Variants in CEP15 observed in about 807,000 individuals in gnomAD.
The protein encoded by CEP15 is centrosomal protein 15.
the CEP15 span, among the ~76,000 whole-genome samples, chr3:62,330,492 G>C: frequency 6.6e-6 from 1 of 152,124 alleles, no homozygotes; most frequent in African/African-American, 2.4e-5. Context: ...AAAATTTGCG[G>C]AGTCCTGCAT....
the CEP15 span, chr3:62,334,177 G>A: frequency 3.3e-5 from 5 of 150,694 alleles, no homozygotes; most frequent in South Asian, 6.3e-4. The surrounding 1 kb of genome is among the most constrained non-coding windows in gnomAD (Gnocchi z 4.9). Context: ...GTCAGAAAGC[G>A]TTGGGTCACA....
chr3:62,325,028 A>C, the CEP15 span, among the ~76,000 whole-genome samples: 2 of 152,218 alleles, frequency 1.3e-5, no homozygotes, highest in African/African-American at 2.4e-5. Context: ...AATCAATAGT[A>C]ATTCTATGTA....
At chr3:62,327,991 C>A in the CEP15 span, among the ~76,000 whole-genome samples, 1 of 152,138 alleles carries the variant, frequency 6.6e-6, no homozygotes, top group Non-Finnish European at 1.5e-5. Flanking sequence ...TTGATAGTTT[C>A]TTTTCTTTAT....
chr3:62,333,290 C>G, the CEP15 span: 1 of 1,611,112 alleles, frequency 6.2e-7, no homozygotes, highest in East Asian at 2.2e-5. The surrounding 1 kb of genome is among the most constrained non-coding windows in gnomAD (Gnocchi z 4.0). Flanking sequence ...AATATATTCC[C>G]AAATGGGAAC....
the CEP15 span, among the ~76,000 whole-genome samples, chr3:62,321,254 C>G: frequency 6.6e-6 from 1 of 152,122 alleles, no homozygotes; most frequent in South Asian, 2.1e-4. This position sits in a 1 kb window ranked among gnomAD's most constrained non-coding sequence, Gnocchi z 4.1. Context: ...ATTTGACCAG[C>G]AAGAAACTTT....
chr3:62,331,400 G>A, the CEP15 span: 1 of 1,612,272 alleles, frequency 6.2e-7, no homozygotes, highest in Non-Finnish European at 8.5e-7. Flanking sequence ...TTCTCTTGAG[G>A]TGAGCATCTT....
the CEP15 span, among the ~76,000 whole-genome samples, chr3:62,331,883 C>T: frequency 6.6e-6 from 1 of 152,156 alleles, no homozygotes; most frequent in South Asian, 2.1e-4. Context: ...AGATGGTTAG[C>T]AAAAATAAAC....
the CEP15 span, among the ~76,000 whole-genome samples, chr3:62,325,098 G>C: frequency 6.6e-6 from 1 of 152,022 alleles, no homozygotes; most frequent in Non-Finnish European, 1.5e-5. Context: ...AAAATACTTG[G>C]GAATGATCTT....
At chr3:62,326,704 T>G in the CEP15 span, among the ~76,000 whole-genome samples, 1 of 152,208 alleles carries the variant, frequency 6.6e-6, no homozygotes, top group Admixed American at 6.5e-5. Flanking sequence ...TTGCATGTGC[T>G]TATTACCCAG....
At chr3:62,321,708 A>T in the CEP15 span, among the ~76,000 whole-genome samples, 2 of 152,174 alleles carry the variant, frequency 1.3e-5, no homozygotes, top group Non-Finnish European at 2.9e-5. This position sits in a 1 kb window ranked among gnomAD's most constrained non-coding sequence, Gnocchi z 4.1. Flanking sequence ...TATATAAAGA[A>T]TATGTTAATG....
At chr3:62,319,813 G>A in the CEP15 span, 1 of 152,374 alleles carries the variant, frequency 6.6e-6, no homozygotes, top group African/African-American at 2.4e-5. Flanking sequence ...GTCTGTGTCG[G>A]TCCAGTGTCT....
chr3:62,333,444 T>C, the CEP15 span: 3 of 1,557,702 alleles, frequency 1.9e-6, no homozygotes, highest in Admixed American at 3.9e-5. The surrounding 1 kb of genome is among the most constrained non-coding windows in gnomAD (Gnocchi z 4.0). Context: ...TGTTAAGGTG[T>C]ATGTAGGTTA....
the CEP15 span, chr3:62,331,436 C>A: frequency 5.3e-6 from 8 of 1,523,614 alleles, no homozygotes; most frequent in Admixed American, 8.4e-5. Flanking sequence ...AAAGAGAGAC[C>A]CTATCTATCT....
At chr3:62,333,125 C>A in the CEP15 span, 2 of 803,086 alleles carry the variant, frequency 2.5e-6, no homozygotes, top group Non-Finnish European at 3.8e-6. The surrounding 1 kb of genome is among the most constrained non-coding windows in gnomAD (Gnocchi z 4.0). Context: ...ATGCATTCTA[C>A]ATATATGTGT....
chr3:62,334,890 G>C, the CEP15 span: 1 of 151,736 alleles, frequency 6.6e-6, no homozygotes, highest in African/African-American at 2.4e-5. The surrounding 1 kb of genome is among the most constrained non-coding windows in gnomAD (Gnocchi z 4.9). Context: ...TTGGTAAACA[G>C]ATTTAGATGT....
the CEP15 span, chr3:62,331,292 C>T: frequency 1.9e-6 from 3 of 1,595,918 alleles, no homozygotes; most frequent in Middle Eastern, 3.3e-4. Context: ...TATGTAAATC[C>T]ACTTTAATAT....
At chr3:62,332,229 C>A in the CEP15 span, among the ~76,000 whole-genome samples, 1 of 152,126 alleles carries the variant, frequency 6.6e-6, no homozygotes, top group Non-Finnish European at 1.5e-5. Flanking sequence ...CAGGGAAACT[C>A]CCAACCACGG....
chr3:62,330,447 G>C, the CEP15 span, among the ~76,000 whole-genome samples: 1 of 152,188 alleles, frequency 6.6e-6, no homozygotes, highest in African/African-American at 2.4e-5. Context: ...CTGATTTTGG[G>C]AGCATTTATT....
the CEP15 span, chr3:62,320,649 G>T: frequency 1.6e-6 from 1 of 637,590 alleles, no homozygotes; most frequent in South Asian, 2.1e-5. Context: ...ACACTTAAGA[G>T]GTTTTAGTGT....
Sources: allele counts gnomAD v4.1 joint callset (sites outside exome capture counted in the v4.1 genomes callset), GRCh38; gene constraint gnomAD v4.1.1; non-coding constraint Gnocchi (gnomAD v3.1); transcripts MANE v1.5; gene names NCBI Gene and HGNC (gene_info 2026-07-23, HGNC 2026-07-21).